The following IFNK variants were observed in gnomAD, a reference collection of about 807,000 sequenced individuals.
IFNK encodes IFN-kappa.
A neutral mutation model predicts 12.0 loss-of-function variants in IFNK; 13 were observed. That is an observed-to-expected ratio of 1.08 (90% confidence interval 0.70 to 1.72). The LOEUF (loss-of-function observed/expected upper bound fraction) is 1.72. IFNK is among the 40% of genes most tolerant of loss of function. The probability of loss-of-function intolerance (pLI) is 0.00; values close to 1 mark genes in which losing one functional copy is unlikely to be tolerated. For missense variants in IFNK, 248 were observed against 237.0 expected (o/e 1.05, Z -0.30); for synonymous variants, 94 against 82.3 (o/e 1.14, Z -0.77).
chr9:27,525,789 G>C (rs191682363), intron 1 of IFNK, among the ~76,000 whole-genome samples: 2 of 152,280 alleles, frequency 1.3e-5, no homozygotes, highest in African/African-American at 4.8e-5. Flanking sequence ...TTTTACATTA[G>C]ATTTTCCTAG....
intron 1 of IFNK, 66 bp downstream of exon 1, chr9:27,525,027 TC>T: frequency 7.7e-7 from 1 of 1,300,370 alleles, no homozygotes; most frequent in Non-Finnish European, 1.0e-6. Context: ...TCCTCCAACT[TC>T]TTTTTAAGGA....
chr9:27,524,613 C>G lies in IFNK; in HGVS notation c.277C>G (p.Gln93Glu). ...GAAGGCCTTCTATGAAATGTCCCTA[C>G]AGGCCTTCAACATCTTCAGCCAACA... ...IKKAFYEMSL[Q>E]AFNIFSQHTF... The change falls in exon 1 of 2, where the codon CAG becomes GAG. Residue 93 changes from glutamine to glutamate, a missense_variant. Coordinates refer to ENST00000276943, the MANE Select transcript of IFNK (RefSeq NM_020124.3). 1 of 1,614,096 alleles carries G rather than the reference C, an allele frequency of 6.2e-7. No individual in the cohort carries two copies. Among genetic ancestry groups the G allele is most frequent in the African/African-American group, 1.3e-5 (1 of 75,038 alleles).
At position 27,526,048 on chromosome 9, in the gene IFNK, A is replaced by T. The variant is rs1325509670; in HGVS notation, c.*43A>T. 1 of 152,092 alleles carries T rather than the reference A, an allele frequency of 6.6e-6. No individual in the cohort carries two copies. The highest frequency in any genetic ancestry group is 2.4e-5 in the African/African-American group (1 of 41,450). The allele number at this position is 152,092 out of a possible 1,614,324, so 9.4% of individuals were successfully genotyped here. A position where few individuals can be genotyped will look rare whatever the true frequency, so the allele number is the denominator to read the frequency against. On this transcript the variant is annotated 3_prime_UTR_variant, in exon 2 of 2. Transcript: ENST00000276943. ...GCAAGAATTAACAGAGATTGTGGCT[A>T]CGCAAATGCACCAAAAAAGGGTGAA... is the stretch of plus-strand genomic sequence containing the variant.
chr9:27,524,540 GC>G lies in IFNK; in HGVS notation c.208del (p.Gln70LysfsTer10). ...TACGAGAAAACATAGCTTTTGAGTT[GC>G]CCCAAGAGTTTCTGCAATACACCCA... Reference protein sequence around the residue: ...CLRENIAFELPQEFLQYTQPM... With the variant: ...CLRENIAFELXQEFLQYTQPM... On this transcript the variant is annotated frameshift_variant, in exon 1 of 2. Coordinates refer to ENST00000276943, the MANE Select transcript of IFNK (RefSeq NM_020124.3). LOFTEE classifies it high-confidence loss of function. 1 of 1,614,096 alleles carries G rather than the reference GC, an allele frequency of 6.2e-7. No homozygotes were observed.
intron 1 of IFNK, among the ~76,000 whole-genome samples, chr9:27,525,363 G>A (rs925142838): frequency 1.3e-5 from 2 of 152,062 alleles, no homozygotes; most frequent in Admixed American, 1.3e-4. Context: ...TGCTGCCAAG[G>A]TTGCTTATCC....
rs1246718703 is a variant in IFNK at position 27,524,442 on chromosome 9, C to A, written c.106C>A (p.His36Asn). The A allele has an allele frequency of 6.2e-7, 1 of 1,614,072 alleles. No homozygotes were observed. Among genetic ancestry groups the A allele is most frequent in the Admixed American group, 1.7e-5 (1 of 60,010 alleles). Residue 36 changes from histidine to asparagine, a missense_variant, in exon 1 of 2, where the codon CAC becomes AAC. Physicochemically the swap from His to Asn is moderately conservative, Grantham distance 68. Transcript: ENST00000276943. ...LSLDCNLLNV[H>N]LRRVTWQNLR... ...CCTGGACTGTAACTTACTGAACGTT[C>A]ACCTGAGAAGAGTCACCTGGCAAAA...
In IFNK at chr9:27,524,907, A is replaced by C. The variant is rs776673084; in HGVS notation, c.571A>C (p.Arg191=). The C allele has an allele frequency of 1.9e-6, 3 of 1,610,906 alleles. No individual in the cohort carries two copies. The South Asian group carries it at 3.3e-5, about 18-fold the overall frequency. The change falls in exon 1 of 2, where the codon AGA becomes CGA. Residue 191 remains arginine (R), a synonymous_variant. Transcript: ENST00000276943. ...CTGGGAGATTGTCCGAGTGGAAATC[A>C]GAAGATGTTTGTATTACTTTTACAA... ...CAWEIVRVEI[R]RCLYYFYKFT... is the part of the protein sequence containing the mutation.
rs1032003654 is a variant in IFNK, at chr9:27,526,091, C to T, written c.*86C>T. The stretch of plus-strand genomic sequence containing the variant: ...AGGGTGAAATATATCTGAAATGTAC[C>T]TGGTTCTGCCCTTGGAAGCCATTTC... On this transcript the variant is annotated 3_prime_UTR_variant, in exon 2 of 2. Transcript: ENST00000276943. 2 of 152,154 alleles carry T rather than the reference C, an allele frequency of 1.3e-5. No individual in the cohort carries two copies. Among genetic ancestry groups the T allele is most frequent in the Non-Finnish European group, 2.9e-5 (2 of 68,042 alleles). 9.4% of individuals were successfully genotyped at this position (152,154 alleles called of 1,614,324 possible). A position where few individuals can be genotyped will look rare whatever the true frequency, so the allele number is the denominator to read the frequency against.
chr9:27,526,390 C>A lies in IFNK; in HGVS notation c.*385C>A, dbSNP rs922129309. The stretch of plus-strand genomic sequence containing the variant: ...GAGTTGTTCCAGATTAAAAATAGTA[C>A]TACAAGCTTGTAAAGGAGTTAGGAC... On this transcript the variant is annotated 3_prime_UTR_variant, in exon 2 of 2. Coordinates refer to ENST00000276943, the MANE Select transcript of IFNK (RefSeq NM_020124.3). The A allele has an allele frequency of 2.6e-5, 4 of 152,196 alleles. No individual in the cohort carries two copies. The highest frequency in any genetic ancestry group is 9.6e-5 in the African/African-American group (4 of 41,456). 9.4% of individuals were successfully genotyped at this position (152,196 alleles called of 1,614,324 possible).
chr9:27,525,210 T>C (rs1820417514), intron 1 of IFNK, among the ~76,000 whole-genome samples: 1 of 152,188 alleles, frequency 6.6e-6, no homozygotes, highest in Non-Finnish European at 1.5e-5. Flanking sequence ...TCCGTCTTCT[T>C]CTATTCTCTC....
At position 27,524,650 on chromosome 9, in the gene IFNK, A is replaced by G; in HGVS notation, c.314A>G (p.Tyr105Cys). The G allele has an allele frequency of 6.2e-7, 1 of 1,614,112 alleles. No homozygotes were observed. Reference sequence around the variant, plus strand: ...ATCTTCAGCCAACACACCTTCAAATATTGGAAAGAGAGACACCTCAAACAA... The same window carrying G: ...ATCTTCAGCCAACACACCTTCAAATGTTGGAAAGAGAGACACCTCAAACAA... The part of the protein sequence containing the change: ...FNIFSQHTFK[Y>C]WKERHLKQIQ... Residue 105 changes from tyrosine to cysteine, a missense_variant, in exon 1 of 2, where the codon TAT becomes TGT. By Grantham distance (194) the Tyr-to-Cys change is radical (BLOSUM62 -2). Transcript: ENST00000276943.
At chr9:27,525,188 T>G (rs1820416998) in intron 1 of IFNK, among the ~76,000 whole-genome samples, 1 of 152,202 alleles carries the variant, frequency 6.6e-6, no homozygotes, top group African/African-American at 2.4e-5. Context: ...TTTAAAGGAA[T>G]AAGATTCCCT....
Position 27,524,870 on chromosome 9 carries a change from C to T in IFNK, c.534C>T (p.Tyr178=). 2.5e-6 allele frequency: 4 copies of T among 1,613,986 alleles called. No homozygotes were observed. Among genetic ancestry groups the T allele is most frequent in the Non-Finnish European group, 3.4e-6 (4 of 1,179,902 alleles). ...ACAATTTCCTGAAAGAAAAGAAATA[C>T]AGTGACTGTGCCTGGGAGATTGTCC... ...RIDNFLKEKK[Y]SDCAWEIVRV... The change falls in exon 1 of 2, where the codon TAC becomes TAT. Residue 178 remains tyrosine, a synonymous_variant. Coordinates refer to ENST00000276943, the MANE Select transcript of IFNK (RefSeq NM_020124.3).
In IFNK at chr9:27,524,452, G is replaced by C; in HGVS notation, c.116G>C (p.Arg39Thr). 6.2e-7 allele frequency: 1 copy of C among 1,614,074 alleles called. No homozygotes were observed. The change falls in exon 1 of 2, where the codon AGA (arginine) becomes ACA (threonine). Residue 39 changes from arginine (R) to threonine (T), a missense_variant. Coordinates refer to ENST00000276943, the MANE Select transcript of IFNK (RefSeq NM_020124.3). ...AACTTACTGAACGTTCACCTGAGAA[G>C]AGTCACCTGGCAAAATCTGAGACAT... The part of the protein sequence containing the change: ...DCNLLNVHLR[R>T]VTWQNLRHLS...
At chr9:27,525,312 G>C (rs974539594) in intron 1 of IFNK, among the ~76,000 whole-genome samples, 1 of 152,190 alleles carries the variant, frequency 6.6e-6, no homozygotes, top group African/African-American at 2.4e-5. Flanking sequence ...AGGGAGCAGA[G>C]AATGTTGCAA....
chr9:27,525,068 A>C, intron 1 of IFNK, 107 bp downstream of exon 1: 2 of 958,872 alleles, frequency 2.1e-6, no homozygotes, highest in Non-Finnish European at 3.0e-6. Context: ...GCCTGTCCTC[A>C]GTTGGACTGG....
At chr9:27,525,903 C>A (rs1479015134) in intron 1 of IFNK, 104 bp from the exon 2 acceptor site, 2 of 152,052 alleles carry the variant, frequency 1.3e-5, no homozygotes, top group African/African-American at 4.8e-5. Context: ...GCCAGACTAC[C>A]TAGATTATTT....
rs760457996 is a variant in IFNK at position 27,524,304 on chromosome 9, C to G, written c.-33C>G. The G allele has an allele frequency of 1.3e-6, 2 of 1,593,922 alleles. No individual in the cohort carries two copies. Among genetic ancestry groups the G allele is most frequent in the African/African-American group, 2.7e-5 (2 of 74,040 alleles). On this transcript the variant is annotated 5_prime_UTR_variant, in exon 1 of 2. Coordinates refer to ENST00000276943, the MANE Select transcript of IFNK (RefSeq NM_020124.3). The stretch of plus-strand genomic sequence containing the variant: ...AAACTCAAAACATCATTGTCATATA[C>G]ACATCTTCTGGATTTTTTAGCTTGC...
Position 27,524,367 on chromosome 9 carries a change from T to C in IFNK, c.31T>C (p.Cys11Arg). 1 of 1,603,786 alleles carries C rather than the reference T, an allele frequency of 6.2e-7. No individual in the cohort carries two copies. The highest frequency in any genetic ancestry group is 1.4e-5 in the African/African-American group (1 of 71,414). The change falls in exon 1 of 2, where the codon TGT (cysteine) becomes CGT (arginine). Residue 11 changes from cysteine (C) to arginine (R), a missense_variant. Physicochemically the swap from Cys to Arg is radical, Grantham distance 180 (BLOSUM62 -3). Coordinates refer to ENST00000276943, the MANE Select transcript of IFNK (RefSeq NM_020124.3). ...CACCAAACCTGATATGATTCAAAAG[T>C]GTTTGTGGCTTGAGATCCTTATGGG... is the stretch of plus-strand genomic sequence containing the variant. Reference protein sequence around the residue: MSTKPDMIQKCLWLEILMGIF... With the variant: MSTKPDMIQKRLWLEILMGIF...
Sources: gnomAD v4.1 joint callset for allele counts (sites outside exome capture counted in the v4.1 genomes callset) on GRCh38, gnomAD v4.1.1 for gene constraint, MANE v1.5 for transcripts, NCBI Gene and HGNC (gene_info 2026-07-23, HGNC 2026-07-21) for gene names.